Variants in KMT5B observed in about 807,000 individuals in gnomAD.
The protein encoded by KMT5B is lysine methyltransferase 5B, also known as histone-lysine N-methyltransferase KMT5B.
In KMT5B, 10 loss-of-function variants were observed where a neutral mutation model predicts 83.2. The observed-to-expected ratio is 0.12, with a 90% CI of 0.07 to 0.20. The LOEUF is 0.20. Ranked by LOEUF, KMT5B falls within the 10% of genes least tolerant of loss-of-function variation. The pLI is 1.00. For missense variants in KMT5B, 753 were observed against 1,067.2 expected, an observed-to-expected ratio of 0.71 and a Z score of 4.10; for synonymous variants, 349 against 388.8, an observed-to-expected ratio of 0.90 and a Z score of 1.20.
At chr11:68,179,682 G>GA in intron 4 of KMT5B, 4 of 1,105,516 alleles carry the variant, frequency 3.6e-6, no homozygotes, top group South Asian at 1.9e-5. Flanking sequence ...GAGGAAGAGA[G>GA]AAAAATGCTC....
rs758639921 is a variant in KMT5B, at chr11:68,157,887, T to A, written c.2459A>T (p.Gln820Leu). 6.2e-7 allele frequency: 1 copy of A among 1,613,948 alleles called. No homozygotes were observed. Among genetic ancestry groups the A allele is most frequent in the Non-Finnish European group, 8.5e-7 (1 of 1,179,834 alleles). ...ESRMEVDDYS[Q>L]YEEESTDDSS... ...ATCATCTGTACTTTCTTCCTCATAC[T>A]GACTATAGTCATCCACCTCCATTCG... Residue 820 changes from glutamine to leucine, a missense_variant, in exon 11 of 11, where the codon CAG (glutamine) becomes CTG (leucine). Gln to Leu is a moderately radical substitution (Grantham distance 113). Around this residue, in one of 9 missense-constraint regions of KMT5B, gnomAD observed 161 missense variants for 195.1 expected, o/e 0.83. Coordinates refer to ENST00000304363, the MANE Select transcript of KMT5B (RefSeq NM_017635.5).
chr11:68,178,827 G>C (rs910859023), intron 4 of KMT5B, among the ~76,000 whole-genome samples: 2 of 151,260 alleles, frequency 1.3e-5, no homozygotes, highest in Admixed American at 6.6e-5. Context: ...TCCTATTATT[G>C]AACAGAAAAA....
At chr11:68,166,044 C>T in intron 10 of KMT5B, 1 of 1,581,788 alleles carries the variant, frequency 6.3e-7, no homozygotes, top group Non-Finnish European at 8.6e-7. Flanking sequence ...CTCTAAGGTG[C>T]CAAGAAGTCT....
intron 4 of KMT5B, among the ~76,000 whole-genome samples, chr11:68,176,257 C>T (rs1050047378): frequency 6.6e-6 from 1 of 152,098 alleles, no homozygotes; most frequent in Non-Finnish European, 1.5e-5. Flanking sequence ...ACACTGATGT[C>T]TTCAGAATAT....
intron 1 of KMT5B, among the ~76,000 whole-genome samples, chr11:68,203,645 A>T (rs902308642): frequency 3.3e-5 from 5 of 152,228 alleles, no homozygotes; most frequent in African/African-American, 4.8e-5. Flanking sequence ...CTAATTTGTT[A>T]GAAAACTACC....
intron 10 of KMT5B, among the ~76,000 whole-genome samples, chr11:68,161,323 G>T (rs1477489391): frequency 6.6e-6 from 1 of 152,162 alleles, no homozygotes; most frequent in Admixed American, 6.5e-5. Context: ...CACTAGTGAA[G>T]AAAGGACTGC....
chr11:68,185,586 AAC>A (rs1857368846), intron 3 of KMT5B, among the ~76,000 whole-genome samples, 193 bp downstream of exon 3: 1 of 152,252 alleles, frequency 6.6e-6, no homozygotes, highest in Non-Finnish European at 1.5e-5. Flanking sequence ...GTAAAATAAG[AAC>A]ACAGAGTTAG....
chr11:68,196,567 T>A (rs967552761), intron 1 of KMT5B, among the ~76,000 whole-genome samples: 1 of 149,584 alleles, frequency 6.7e-6, no homozygotes, highest in African/African-American at 2.5e-5. Context: ...TAAAAAAAAC[T>A]GTAAATTAAA....
chr11:68,161,958 TGAC>T lies in KMT5B; in HGVS notation c.1175-2790_1175-2788del, dbSNP rs200476079. ...AAATGGAACTCACCATCAAGTCTCC[TGAC>T]GACGTCCCCTTTCGAGGTCTCCATC... On this transcript the variant is annotated intron_variant, in intron 10 of 10. Transcript: ENST00000304363. Among the ~76,000 whole-genome samples the T allele has an allele frequency of 9.4e-3, 1,437 of 152,308 alleles. 11 individuals carry two copies. Among genetic ancestry groups the T allele is most frequent in the Non-Finnish European group, 0.014 (956 of 68,034 alleles).
At chr11:68,188,965 T>C (rs117507776) in intron 2 of KMT5B, among the ~76,000 whole-genome samples, 2 of 152,318 alleles carry the variant, frequency 1.3e-5, no homozygotes, top group East Asian at 3.9e-4. Context: ...GCAGGAATTC[T>C]GTCTGGTTTT....
At chr11:68,166,836 G>A (rs979018762) in intron 10 of KMT5B, 146 bp downstream of exon 10, 32 of 1,461,890 alleles carry the variant, frequency 2.2e-5, no homozygotes, top group Middle Eastern at 2.5e-4. Flanking sequence ...CTCAAATCAC[G>A]TCTAGAGCCT....
intron 1 of KMT5B, among the ~76,000 whole-genome samples, chr11:68,190,892 A>G (rs1301494550): frequency 6.6e-6 from 1 of 152,156 alleles, no homozygotes; most frequent in African/African-American, 2.4e-5. Context: ...CTGAGATGGG[A>G]GGTCAAGCCT....
intron 6 of KMT5B, 99 bp downstream of exon 6, chr11:68,173,703 ACT>A: frequency 1.2e-6 from 1 of 803,462 alleles, no homozygotes; most frequent in Admixed American, 2.8e-5. Flanking sequence ...TTCAGGGTAA[ACT>A]CTGGCTTCAT....
chr11:68,200,949 C>T (rs1037105583), intron 1 of KMT5B, among the ~76,000 whole-genome samples: 1 of 152,114 alleles, frequency 6.6e-6, no homozygotes, highest in Non-Finnish European at 1.5e-5. Context: ...TGTGGTTTCA[C>T]TGGATCAACA....
chr11:68,185,012 A>T (rs1354694389), intron 3 of KMT5B, among the ~76,000 whole-genome samples: 1 of 152,134 alleles, frequency 6.6e-6, no homozygotes, highest in African/African-American at 2.4e-5. Flanking sequence ...TCGCTCTTAA[A>T]TAATTAGCTG....
At chr11:68,207,058 C>T (rs375556028) in intron 1 of KMT5B, among the ~76,000 whole-genome samples, 6,150 of 126,680 alleles carry the variant, frequency 0.049, no homozygotes, top group Non-Finnish European at 0.074. Context: ...CTGGCTAACA[C>T]GGTGAAACCC....
intron 1 of KMT5B, among the ~76,000 whole-genome samples, chr11:68,196,674 G>T (rs1353147301): frequency 6.6e-6 from 1 of 151,808 alleles, no homozygotes; most frequent in Non-Finnish European, 1.5e-5. Flanking sequence ...AACAAGGCAG[G>T]AATCACAGCT....
chr11:68,165,855 T>C, intron 10 of KMT5B: 3 of 1,612,824 alleles, frequency 1.9e-6, no homozygotes, highest in Non-Finnish European at 2.5e-6. Flanking sequence ...CGGGTTATGC[T>C]TGGACTCTGA....
intron 1 of KMT5B, among the ~76,000 whole-genome samples, chr11:68,205,623 C>CTTT (rs61314677): frequency 1.4e-5 from 2 of 140,566 alleles, no homozygotes; most frequent in African/African-American, 2.6e-5. Context: ...ATTCGCAATT[C>CTTT]TTTTTTTTTT....
Sources: allele counts gnomAD v4.1 joint callset (sites outside exome capture counted in the v4.1 genomes callset), GRCh38; gene constraint gnomAD v4.1.1; regional missense constraint gnomAD v4.1.1; transcripts MANE v1.5; gene names NCBI Gene and HGNC (gene_info 2026-07-23, HGNC 2026-07-21).